The following GRIK2 variants were observed in gnomAD, a reference collection of about 807,000 sequenced individuals.
GRIK2 encodes the protein glutamate ionotropic receptor kainate type subunit 2, also known as glutamate receptor ionotropic, kainate 2.
Under a neutral mutation model 100.3 loss-of-function variants are expected in GRIK2, and 32 were observed. The ratio of observed to expected loss-of-function variants is 0.32; its 90% confidence interval spans 0.24 to 0.43. The LOEUF (loss-of-function observed/expected upper bound fraction) is 0.43, where lower values mean the gene tolerates loss of function less well. Among genes scored for constraint, GRIK2 ranks in the 20% least tolerant of loss-of-function variants. GRIK2 has a pLI of 1.00. For synonymous variants in GRIK2, 417 were observed against 389.4 expected (o/e 1.07, Z -0.83); for missense variants, 843 against 1,114.9 (o/e 0.76, Z 3.47).
chr6:101,951,331 A>G (rs997413376), intron 14 of GRIK2, among the ~76,000 whole-genome samples: 2 of 152,208 alleles, frequency 1.3e-5, no homozygotes, highest in Admixed American at 6.5e-5. Flanking sequence ...TCCTGTGTCA[A>G]ATCTGATAGA....
rs558407005 is a variant in GRIK2 at position 101,686,433 on chromosome 6, T to C, written c.951+80T>C. The C allele has an allele frequency of 6.0e-6, 6 of 995,472 alleles. No individual in the cohort carries two copies. The East Asian group carries it at 1.2e-4, about 20-fold the overall frequency. 61.7% of individuals were successfully genotyped at this position (995,472 alleles called of 1,614,324 possible). ...ATATGAACTTCTGGGTTTATATGCA[T>C]ACATATAAACTTCAGTTTAATTGTT... On this transcript the variant is annotated intron_variant, in intron 7 of 16. Transcript: ENST00000369134.
chr6:101,703,071 A>G (rs1773008232), intron 7 of GRIK2, among the ~76,000 whole-genome samples: 1 of 151,958 alleles, frequency 6.6e-6, no homozygotes, highest in Admixed American at 6.6e-5. Flanking sequence ...TAGGCATTCA[A>G]TCAATATTTG....
At chr6:101,698,984 A>G (rs1362487383) in intron 7 of GRIK2, among the ~76,000 whole-genome samples, 1 of 152,164 alleles carries the variant, frequency 6.6e-6, no homozygotes, top group Non-Finnish European at 1.5e-5. Context: ...ATAAAATTCT[A>G]CATTCCTGTG....
chr6:102,019,744 C>G (rs1241815637), intron 14 of GRIK2, among the ~76,000 whole-genome samples: 1 of 151,976 alleles, frequency 6.6e-6, no homozygotes, highest in African/African-American at 2.4e-5. Context: ...GAGCATTGCT[C>G]TCTTCTAACA....
intron 14 of GRIK2, among the ~76,000 whole-genome samples, chr6:101,999,579 T>G (rs184293180): frequency 6.6e-6 from 1 of 152,176 alleles, no homozygotes; most frequent in Admixed American, 6.6e-5. Context: ...TAAGCTCTCT[T>G]ATTAGTTCAA....
At chr6:102,026,010 T>C (rs1157491899) in intron 14 of GRIK2, among the ~76,000 whole-genome samples, 2 of 150,278 alleles carry the variant, frequency 1.3e-5, no homozygotes, top group Non-Finnish European at 3.0e-5. Flanking sequence ...CTATTCTTGC[T>C]TACTAGGGTG....
At chr6:101,667,741 A>G (rs553573588) in intron 4 of GRIK2, among the ~76,000 whole-genome samples, 106 of 152,290 alleles carry the variant, frequency 7.0e-4, no homozygotes, top group African/African-American at 2.5e-3. Context: ...CATTAATAAA[A>G]CAATATAATG....
chr6:101,784,930 G>A (rs902184600), intron 7 of GRIK2, among the ~76,000 whole-genome samples: 6 of 152,158 alleles, frequency 3.9e-5, no homozygotes, highest in Non-Finnish European at 8.8e-5. Context: ...CAGTGTATAA[G>A]AGTTCCTTTT....
intron 2 of GRIK2, among the ~76,000 whole-genome samples, chr6:101,562,290 A>T (rs1777057804): frequency 1.3e-5 from 2 of 151,978 alleles, no homozygotes; most frequent in Non-Finnish European, 2.9e-5. Flanking sequence ...CTCCAGGATG[A>T]CAGATGACAG....
At chr6:101,757,131 G>T (rs1262330327) in intron 7 of GRIK2, among the ~76,000 whole-genome samples, 2 of 152,042 alleles carry the variant, frequency 1.3e-5, no homozygotes, top group Non-Finnish European at 2.9e-5. Flanking sequence ...CCCTCTCATT[G>T]ATATTATATT....
intron 14 of GRIK2, among the ~76,000 whole-genome samples, chr6:101,992,987 A>G (rs1169078290): frequency 6.6e-6 from 1 of 151,592 alleles, no homozygotes; most frequent in Non-Finnish European, 1.5e-5. Flanking sequence ...AGATGTCTTT[A>G]TAAGATACTT....
chr6:101,847,027 C>T (rs1783852923), intron 10 of GRIK2, among the ~76,000 whole-genome samples: 1 of 149,146 alleles, frequency 6.7e-6, no homozygotes, highest in African/African-American at 2.5e-5. Context: ...TTCTTCTTTT[C>T]TTCCTACCTG....
intron 2 of GRIK2, among the ~76,000 whole-genome samples, chr6:101,460,063 C>A (rs1771220985): frequency 6.6e-6 from 1 of 152,300 alleles, no homozygotes; most frequent in South Asian, 2.1e-4. Context: ...GGCCGCACAT[C>A]TGTTGCTCTT....
At chr6:101,944,517 T>C (rs1355412159) in intron 14 of GRIK2, among the ~76,000 whole-genome samples, 2 of 152,126 alleles carry the variant, frequency 1.3e-5, no homozygotes, top group Non-Finnish European at 2.9e-5. Flanking sequence ...TGCTCTTTGG[T>C]TGAGTCAAAG....
intron 14 of GRIK2, among the ~76,000 whole-genome samples, chr6:101,990,404 A>G (rs1198557617): frequency 6.6e-6 from 1 of 151,672 alleles, no homozygotes; most frequent in Admixed American, 6.6e-5. Context: ...CAGAGCCTCT[A>G]GTCCATGCCT....
At chr6:101,911,961 ATAAG>A (rs1788723003) in intron 12 of GRIK2, among the ~76,000 whole-genome samples, 1 of 151,368 alleles carries the variant, frequency 6.6e-6, no homozygotes, top group African/African-American at 2.4e-5. Context: ...TGAATAGATA[ATAAG>A]TAAGGATTTA....
chr6:102,039,927 G>T (rs1401343356), intron 15 of GRIK2, among the ~76,000 whole-genome samples: 3 of 151,474 alleles, frequency 2.0e-5, no homozygotes, highest in Non-Finnish European at 4.4e-5. Context: ...AACAAGCATT[G>T]TATGTGGCAG....
chr6:101,574,322 TA>T (rs1207538307), intron 2 of GRIK2, among the ~76,000 whole-genome samples: 1 of 147,460 alleles, frequency 6.8e-6, no homozygotes, highest in African/African-American at 2.5e-5. Flanking sequence ...TTTAATATAT[TA>T]TGAATATATG....
At chr6:101,714,207 A>G (rs770234539) in intron 7 of GRIK2, among the ~76,000 whole-genome samples, 2 of 151,660 alleles carry the variant, frequency 1.3e-5, no homozygotes, top group Non-Finnish European at 3.0e-5. Context: ...TTTTGTCAGG[A>G]GAACCAAAAA....
Sources: allele counts gnomAD v4.1 joint callset (sites outside exome capture counted in the v4.1 genomes callset), GRCh38; gene constraint gnomAD v4.1.1; transcripts MANE v1.5; gene names NCBI Gene and HGNC (gene_info 2026-07-23, HGNC 2026-07-21).